The following CYP3A43 variants were observed in gnomAD, a reference collection of about 807,000 sequenced individuals.
CYP3A43 encodes the protein cytochrome P450 family 3 subfamily A member 43, also known as cytochrome P450 3A43.
A neutral mutation model predicts 58.0 loss-of-function variants in CYP3A43; 45 were observed. The observed-to-expected ratio is 0.78, with a 90% confidence interval of 0.61 to 0.99. The LOEUF (loss-of-function observed/expected upper bound fraction) is 0.99, where lower values mean the gene tolerates loss of function less well. CYP3A43 is among the 50% of genes least tolerant of loss of function. CYP3A43 has a pLI of 0.00. For missense variants in CYP3A43, 593 were observed against 591.9 expected, an observed-to-expected ratio of 1.00 and a Z score of -0.02; for synonymous variants, 191 against 201.4, an observed-to-expected ratio of 0.95 and a Z score of 0.44.
intron 11 of CYP3A43, among the ~76,000 whole-genome samples, 178 bp from the exon 12 acceptor site, chr7:99,863,359 G>T (rs1818315166): frequency 6.6e-6 from 1 of 152,118 alleles, no homozygotes; most frequent in South Asian, 2.1e-4. Flanking sequence ...ATAAACATGG[G>T]TTTAACCTTC....
chr7:99,853,980 A>T (rs772530490), intron 7 of CYP3A43, among the ~76,000 whole-genome samples: 2 of 152,024 alleles, frequency 1.3e-5, no homozygotes, highest in African/African-American at 4.8e-5. Flanking sequence ...AGAATGGGGA[A>T]TCCATCCCCT....
intron 4 of CYP3A43, among the ~76,000 whole-genome samples, chr7:99,844,789 G>A (rs1417253736): frequency 6.6e-6 from 1 of 152,038 alleles, no homozygotes; most frequent in Non-Finnish European, 1.5e-5. Flanking sequence ...TATGGTTTAA[G>A]GCTGGGTGCG....
chr7:99,856,824 T>G lies in CYP3A43; in HGVS notation c.799-9T>G. 6.2e-7 allele frequency: 1 copy of G among 1,613,864 alleles called. No homozygotes were observed. Among genetic ancestry groups the G allele is most frequent in the Non-Finnish European group, 8.5e-7 (1 of 1,179,960 alleles). On this transcript the variant is annotated splice_polypyrimidine_tract_variant and intron_variant, in intron 8 of 12. Transcript: ENST00000354829. ...TTTCTGTCATTAAAATTTCTCTTTT[T>G]GCTTCCAGCATCGAGTAGATTTCTT...
rs771523961 is a variant in CYP3A43 at position 99,848,186 on chromosome 7, A to G, written c.453A>G (p.Gln151=). ...TTTAGATGGTCCCCATCATTTCCCA[A>G]TGTGGAGATATGTTGGTGAGAAGCC... ...KFKEMVPIIS[Q]CGDMLVRSLR... Residue 151 remains glutamine (Q), a synonymous_variant, in exon 6 of 13, where the codon CAA becomes CAG. Coordinates refer to ENST00000354829, the MANE Select transcript of CYP3A43 (RefSeq NM_057095.3). 10 of 1,614,006 alleles carry G rather than the reference A, an allele frequency of 6.2e-6. No homozygotes were observed. Among genetic ancestry groups the G allele is most frequent in the South Asian group, 4.4e-5 (4 of 91,080 alleles).
At chr7:99,852,087 C>A (rs554923527) in intron 7 of CYP3A43, among the ~76,000 whole-genome samples, 3 of 152,206 alleles carry the variant, frequency 2.0e-5, no homozygotes, top group African/African-American at 4.8e-5. Flanking sequence ...GATCATGACA[C>A]CTTCCTCAAA....
At chr7:99,865,817 A>G (rs1818423353) in intron 12 of CYP3A43, 89 bp from the exon 13 acceptor site, 2 of 893,526 alleles carry the variant, frequency 2.2e-6, no homozygotes, top group Non-Finnish European at 3.3e-6. Flanking sequence ...ATTGCAAAGC[A>G]TTACCCTTGA....
At chr7:99,852,639 CCTT>C (rs1817806793) in intron 7 of CYP3A43, among the ~76,000 whole-genome samples, 1 of 151,992 alleles carries the variant, frequency 6.6e-6, no homozygotes, top group Non-Finnish European at 1.5e-5. Flanking sequence ...TGTATATTGA[CCTT>C]CTATCTTCAA....
intron 7 of CYP3A43, among the ~76,000 whole-genome samples, chr7:99,854,069 A>G (rs991296971): frequency 6.6e-6 from 1 of 152,120 alleles, no homozygotes; most frequent in African/African-American, 2.4e-5. Flanking sequence ...TATTGACTGT[A>G]GTCACTCTGT....
intron 1 of CYP3A43, among the ~76,000 whole-genome samples, chr7:99,835,442 T>A (rs1817031581): frequency 6.6e-6 from 1 of 152,190 alleles, no homozygotes; most frequent in African/African-American, 2.4e-5. Context: ...ATATGCGGTA[T>A]GGTAGGCATC....
intron 5 of CYP3A43, chr7:99,847,861 A>C (rs1817595765): frequency 2.0e-6 from 1 of 511,522 alleles, no homozygotes; most frequent in Admixed American, 3.3e-5. Flanking sequence ...AAAATACAAA[A>C]ATTAGCTGGG....
At position 99,848,070 on chromosome 7, in the gene CYP3A43, A is replaced by C. The variant is rs1817605364; in HGVS notation, c.433-96A>C. ...TATGTCCTAGAGGACATGGTGAGTCATTACAAAATATCATTTACTGTTCCA... is the reference window on the plus strand; with the variant it reads ...TATGTCCTAGAGGACATGGTGAGTCCTTACAAAATATCATTTACTGTTCCA... On this transcript the variant is annotated intron_variant, in intron 5 of 12. Transcript: ENST00000354829. 6 of 1,220,792 alleles carry C rather than the reference A, an allele frequency of 4.9e-6. No homozygotes were observed. In the South Asian group the frequency reaches 7.8e-5, roughly 16 times the overall value. The allele number at this position is 1,220,792 out of a possible 1,614,324, so 75.6% of individuals were successfully genotyped here. A position where few individuals can be genotyped will look rare whatever the true frequency, so the allele number is the denominator to read the frequency against.
At chr7:99,833,401 A>G (rs139737829) in intron 1 of CYP3A43, among the ~76,000 whole-genome samples, 1 of 152,334 alleles carries the variant, frequency 6.6e-6, no homozygotes, top group Non-Finnish European at 1.5e-5. Context: ...GAAATGCATT[A>G]CATCATTTCT....
chr7:99,839,133 T>G lies in CYP3A43; in HGVS notation c.179T>G (p.Phe60Cys). The part of the protein sequence containing the change: ...ILFYLRGLWN[F>C]DRECNEKYGE... ...TTCTTCTGCCAGGGTCTTTGGAATTTTGACAGAGAATGTAATGAAAAATAC... is the reference window on the plus strand; with the variant it reads ...TTCTTCTGCCAGGGTCTTTGGAATTGTGACAGAGAATGTAATGAAAAATAC... Residue 60 changes from phenylalanine (F) to cysteine (C), a missense_variant, in exon 3 of 13, where the codon TTT (phenylalanine) becomes TGT (cysteine). Physicochemically the swap from Phe to Cys is radical, Grantham distance 205. Transcript: ENST00000354829. 6.2e-7 allele frequency: 1 copy of G among 1,614,200 alleles called. No homozygotes were observed. The highest frequency in any genetic ancestry group is 8.5e-7 in the Non-Finnish European group (1 of 1,180,026).
intron 8 of CYP3A43, among the ~76,000 whole-genome samples, chr7:99,855,962 A>G (rs1337720870): frequency 2.0e-5 from 3 of 152,260 alleles, no homozygotes; most frequent in Non-Finnish European, 2.9e-5. Context: ...TAAATAATGT[A>G]GAGATAGAAG....
At chr7:99,862,985 G>A (rs530498865) in intron 11 of CYP3A43, among the ~76,000 whole-genome samples, 103 of 152,264 alleles carry the variant, frequency 6.8e-4, no homozygotes, top group African/African-American at 2.0e-3. Flanking sequence ...AGTGGTTACC[G>A]TGTGTCAGGA....
In CYP3A43 at chr7:99,850,194, A is replaced by T. The variant is rs1312691655; in HGVS notation, c.670+500A>T. ...CTGGTCTCGAACCCCTAACCTCATG[A>T]TCCGCCCTCCTCAGCCTCCCAAAGT... On this transcript the variant is annotated intron_variant, in intron 7 of 12. Coordinates refer to ENST00000354829, the MANE Select transcript of CYP3A43 (RefSeq NM_057095.3). The T allele has an allele frequency of 1.5e-5, 4 of 275,386 alleles. No homozygotes were observed. The Admixed American group carries it at 1.9e-4, about 13-fold the overall frequency. The allele number at this position is 275,386 out of a possible 1,614,324, so 17.1% of individuals were successfully genotyped here. A position where few individuals can be genotyped will look rare whatever the true frequency, so the allele number is the denominator to read the frequency against.
chr7:99,828,660 C>CA lies in CYP3A43; in HGVS notation c.71+485dup, dbSNP rs952382649. Among the ~76,000 whole-genome samples the CA allele has an allele frequency of 3.6e-3, 524 of 143,568 alleles. 1 individual carries two copies. The highest frequency in any genetic ancestry group is 0.011 in the African/African-American group (443 of 39,176). 94.2% of individuals were successfully genotyped at this position (143,568 alleles called of 152,430 possible). A position where few individuals can be genotyped will look rare whatever the true frequency, so the allele number is the denominator to read the frequency against. The stretch of plus-strand genomic sequence containing the variant: ...TGGGTGACAGAGCAAGACTCCGTCT[C>CA]AAAAAAAAAAATAAAACTTTGTCAT... On this transcript the variant is annotated intron_variant, in intron 1 of 12. Coordinates refer to ENST00000354829, the MANE Select transcript of CYP3A43 (RefSeq NM_057095.3).
At chr7:99,839,211 C>T in intron 3 of CYP3A43, 39 bp downstream of exon 3, 1 of 1,610,152 alleles carries the variant, frequency 6.2e-7, no homozygotes, top group Non-Finnish European at 8.5e-7. Context: ...AGAGCTGTTG[C>T]TATGCTGAGT....
Position 99,861,733 on chromosome 7 carries a change from A to T in CYP3A43, c.1147A>T (p.Ile383Phe), listed in dbSNP as rs1818244730. The T allele has an allele frequency of 1.2e-6, 2 of 1,614,076 alleles. No homozygotes were observed. Among genetic ancestry groups the T allele is most frequent in the Non-Finnish European group, 1.7e-6 (2 of 1,180,030 alleles). ...GAGAGTCTGCAAGAAAGATATTGAAATCAATGGAGTGTTCATTCCCAAAGG... is the reference window on the plus strand; with the variant it reads ...GAGAGTCTGCAAGAAAGATATTGAATTCAATGGAGTGTTCATTCCCAAAGG... The part of the protein sequence containing the change: ...VTRVCKKDIE[I>F]NGVFIPKGLA... Residue 383 changes from isoleucine to phenylalanine, a missense_variant, in exon 11 of 13, where the codon ATC becomes TTC. Transcript: ENST00000354829.
Sources: allele counts gnomAD v4.1 joint callset (sites outside exome capture counted in the v4.1 genomes callset), GRCh38; gene constraint gnomAD v4.1.1; transcripts MANE v1.5; gene names NCBI Gene and HGNC (gene_info 2026-07-23, HGNC 2026-07-21).